The following ADORA2B variants were observed in gnomAD, a reference collection of about 807,000 sequenced individuals.
The protein encoded by ADORA2B is adenosine receptor A2b.
A neutral mutation model predicts 20.8 loss-of-function variants in ADORA2B; 18 were observed. That is an observed-to-expected ratio of 0.87 (90% CI 0.60 to 1.29). ADORA2B has a LOEUF of 1.29. Among genes scored for constraint, ADORA2B ranks in the 50% most tolerant of loss-of-function variants. ADORA2B has a pLI of 0.00. For missense variants in ADORA2B, 441 were observed against 422.7 expected, an observed-to-expected ratio of 1.04 and a Z score of -0.38; for synonymous variants, 179 against 178.3, an observed-to-expected ratio of 1.00 and a Z score of -0.03.
the ADORA2B span, among the ~76,000 whole-genome samples, chr17:15,874,667 G>T: frequency 1.3e-5 from 2 of 152,102 alleles, no homozygotes; most frequent in Non-Finnish European, 2.9e-5. Flanking sequence ...ACTCCAGTCT[G>T]AGCAACAAAG....
At chr17:15,964,496 C>G (rs1171552134) in intron 1 of ADORA2B, among the ~76,000 whole-genome samples, 1 of 151,166 alleles carries the variant, frequency 6.6e-6, no homozygotes, top group Non-Finnish European at 1.5e-5. Flanking sequence ...GTAATCCCAG[C>G]TACTCAGGAG....
At position 15,945,468 on chromosome 17, in the gene ADORA2B, G is replaced by C. The variant is rs1969789885; in HGVS notation, c.220G>C (p.Asp74His). ...AITISLGFCT[D>H]FYGCLFLACF... ...CACCATCAGCCTGGGCTTCTGCACTGACTTCTACGGCTGCCTCTTCCTCGC... is the reference window on the plus strand; with the variant it reads ...CACCATCAGCCTGGGCTTCTGCACTCACTTCTACGGCTGCCTCTTCCTCGC... Residue 74 changes from aspartate to histidine, a missense_variant, in exon 1 of 2, where the codon GAC (aspartate) becomes CAC (histidine). Physicochemically the swap from Asp to His is moderately conservative, Grantham distance 81. Coordinates refer to ENST00000304222, the MANE Select transcript of ADORA2B (RefSeq NM_000676.4). 6.2e-7 allele frequency: 1 copy of C among 1,613,260 alleles called. No individual in the cohort carries two copies. Among genetic ancestry groups the C allele is most frequent in the Admixed American group, 1.7e-5 (1 of 60,002 alleles).
At chr17:15,902,782 G>A in the ADORA2B span, among the ~76,000 whole-genome samples, 1 of 151,212 alleles carries the variant, frequency 6.6e-6, no homozygotes, top group Non-Finnish European at 1.5e-5. Flanking sequence ...TCGGCTTCTG[G>A]ATCTACACTT....
At chr17:15,966,949 C>T (rs1970126449) in intron 1 of ADORA2B, among the ~76,000 whole-genome samples, 1 of 152,184 alleles carries the variant, frequency 6.6e-6, no homozygotes, top group Non-Finnish European at 1.5e-5. Flanking sequence ...GGCTGGCGAA[C>T]GGAAGGACGG....
chr17:15,907,761 C>T, the ADORA2B span, among the ~76,000 whole-genome samples: 3 of 152,292 alleles, frequency 2.0e-5, no homozygotes, highest in Admixed American at 6.5e-5. Flanking sequence ...TCATGATAAT[C>T]CCACTCTTAG....
At chr17:15,907,902 C>T in the ADORA2B span, among the ~76,000 whole-genome samples, 3 of 152,314 alleles carry the variant, frequency 2.0e-5, no homozygotes, top group South Asian at 6.2e-4. Flanking sequence ...TTTTCCTGGT[C>T]AGTGCACATC....
chr17:15,922,796 G>A, the ADORA2B span, among the ~76,000 whole-genome samples: 3 of 152,354 alleles, frequency 2.0e-5, no homozygotes, highest in Non-Finnish European at 2.9e-5. Context: ...GTTCTCCCAT[G>A]AGCATCATAG....
the ADORA2B span, among the ~76,000 whole-genome samples, chr17:15,933,221 T>C: frequency 0.25 from 38,352 of 152,016 alleles, 5,436 homozygotes; most frequent in African/African-American, 0.4. Context: ...TCCCAAAGTG[T>C]TGGGATTACA....
chr17:15,863,340 G>GA, the ADORA2B span, among the ~76,000 whole-genome samples: 2 of 151,830 alleles, frequency 1.3e-5, no homozygotes, highest in Non-Finnish European at 2.9e-5. Context: ...AATATACCTT[G>GA]AAAAATTTTT....
the ADORA2B span, among the ~76,000 whole-genome samples, chr17:15,904,815 G>A: frequency 2.0e-5 from 3 of 152,208 alleles, no homozygotes; most frequent in East Asian, 3.9e-4. Context: ...TTGTTAGAGC[G>A]TCCTTTAGCT....
At chr17:15,934,099 G>T in the ADORA2B span, among the ~76,000 whole-genome samples, 2 of 151,852 alleles carry the variant, frequency 1.3e-5, no homozygotes, top group African/African-American at 2.4e-5. Context: ...CTTTTTCTAT[G>T]TGTATTGAGA....
At chr17:15,867,558 C>A in the ADORA2B span, among the ~76,000 whole-genome samples, 3 of 148,370 alleles carry the variant, frequency 2.0e-5, no homozygotes, top group Non-Finnish European at 3.0e-5. Flanking sequence ...GCAGCCACCC[C>A]GTCCGGGAGG....
chr17:15,869,963 A>G, the ADORA2B span, among the ~76,000 whole-genome samples: 1 of 152,152 alleles, frequency 6.6e-6, no homozygotes, highest in African/African-American at 2.4e-5. Context: ...TGCAATTTGA[A>G]ATAGTAATGA....
At chr17:15,864,130 G>A in the ADORA2B span, 5 of 184,734 alleles carry the variant, frequency 2.7e-5, no homozygotes, top group Non-Finnish European at 4.7e-5. Context: ...TACTGAAATG[G>A]TACCAGAAGA....
chr17:15,881,382 T>C, the ADORA2B span, among the ~76,000 whole-genome samples: 1 of 152,250 alleles, frequency 6.6e-6, no homozygotes, highest in Non-Finnish European at 1.5e-5. Flanking sequence ...ATTACAGATA[T>C]GAGCCACCAC....
the ADORA2B span, among the ~76,000 whole-genome samples, chr17:15,891,556 C>A: frequency 6.6e-6 from 1 of 152,200 alleles, no homozygotes; most frequent in Non-Finnish European, 1.5e-5. Context: ...AAAACTCAAA[C>A]TGATTCCACA....
At chr17:15,874,042 G>GTGTGTGTA in the ADORA2B span, among the ~76,000 whole-genome samples, 25 of 134,818 alleles carry the variant, frequency 1.9e-4, no homozygotes, top group East Asian at 6.6e-4. Context: ...ATATATATGT[G>GTGTGTGTA]TATATATATA....
At chr17:15,926,142 G>A in the ADORA2B span, among the ~76,000 whole-genome samples, 2 of 152,066 alleles carry the variant, frequency 1.3e-5, no homozygotes, top group Non-Finnish European at 2.9e-5. Flanking sequence ...CACGCTTTCA[G>A]CCTCGCATTT....
At position 15,948,404 on chromosome 17, in the gene ADORA2B, G is replaced by GGGGGGGGGGGGGGGGGGGGGC. The variant is rs924189170; in HGVS notation, c.335+2824_335+2825insGGGGGGGGGGGGGGGGGCGGG. ...TCCTGATGTTGGGCCCTGGCGGCGGGGGGCTCCAGTCCCCAGTGGTGCCGA... is the reference window on the plus strand; with the variant it reads ...TCCTGATGTTGGGCCCTGGCGGCGGGGGGGGGGGGGGGGGGGGGGGCGGGCTCCAGTCCCCAGTGGTGCCGA... On this transcript the variant is annotated intron_variant, in intron 1 of 1. Coordinates refer to ENST00000304222, the MANE Select transcript of ADORA2B (RefSeq NM_000676.4). Among the ~76,000 whole-genome samples the GGGGGGGGGGGGGGGGGGGGGC allele has an allele frequency of 1.4e-4, 3 of 21,894 alleles. 1 individual carries two copies. Among genetic ancestry groups the GGGGGGGGGGGGGGGGGGGGGC allele is most frequent in the Non-Finnish European group, 4.1e-4 (1 of 2,422 alleles). The allele number at this position is 21,894 out of a possible 152,430, so 14.4% of individuals were successfully genotyped here.
Sources: allele counts gnomAD v4.1 joint callset (sites outside exome capture counted in the v4.1 genomes callset), GRCh38; gene constraint gnomAD v4.1.1; transcripts MANE v1.5; gene names NCBI Gene and HGNC (gene_info 2026-07-23, HGNC 2026-07-21).